NCKAP5: variants seen among roughly 807,000 people sequenced by gnomAD.
NCKAP5 encodes NCK associated protein 5, also known as nck-associated protein 5.
Under a neutral mutation model 167.0 loss-of-function variants are expected in NCKAP5, and 92 were observed. That is an observed-to-expected ratio of 0.55 (90% CI 0.47 to 0.66). NCKAP5 has a LOEUF of 0.66. NCKAP5 is among the 30% of genes least tolerant of loss of function. The pLI is 0.00. For missense variants in NCKAP5, 2,378 were observed against 2,315.0 expected (o/e 1.03, Z -0.56); for synonymous variants, 891 against 877.4 (o/e 1.02, Z -0.27).
intron 16 of NCKAP5, among the ~76,000 whole-genome samples, chr2:132,758,205 G>A (rs1421392426): frequency 1.3e-5 from 2 of 152,112 alleles, no homozygotes; most frequent in African/African-American, 4.8e-5. Flanking sequence ...TTTGTGTGGG[G>A]GCAAATGAAC....
intron 3 of NCKAP5, among the ~76,000 whole-genome samples, chr2:133,468,160 T>C (rs1393412044): frequency 7.2e-6 from 1 of 138,462 alleles, no homozygotes; most frequent in Non-Finnish European, 1.5e-5. Context: ...TGCTGTAAAT[T>C]TCCCTCTACA....
chr2:133,584,984 A>AGGAAGGAAGGAG, the NCKAP5 span, among the ~76,000 whole-genome samples: 3 of 150,094 alleles, frequency 2.0e-5, no homozygotes, highest in Non-Finnish European at 3.0e-5. Flanking sequence ...GAAGGAAGGA[A>AGGAAGGAAGGAG]GGAAGGAAGG....
At chr2:133,205,746 A>G (rs1559265182) in intron 5 of NCKAP5, among the ~76,000 whole-genome samples, 1 of 151,622 alleles carries the variant, frequency 6.6e-6, no homozygotes. Context: ...CTTCCCTTCC[A>G]TGAATATGCC....
At chr2:133,093,879 G>T (rs2081266307) in intron 6 of NCKAP5, among the ~76,000 whole-genome samples, 1 of 152,206 alleles carries the variant, frequency 6.6e-6, no homozygotes, top group Non-Finnish European at 1.5e-5. Context: ...GGATGGTTAT[G>T]CCTCACTGTA....
chr2:132,777,324 A>G (rs907538256), intron 15 of NCKAP5, among the ~76,000 whole-genome samples: 1 of 152,196 alleles, frequency 6.6e-6, no homozygotes, highest in Non-Finnish European at 1.5e-5. Context: ...CAAGAGACAC[A>G]GGGGGAAAAG....
intron 19 of NCKAP5, among the ~76,000 whole-genome samples, chr2:132,700,277 C>T (rs1022317032): frequency 6.7e-6 from 1 of 149,750 alleles, no homozygotes; most frequent in Non-Finnish European, 1.5e-5. Flanking sequence ...TGTAGGTTGC[C>T]TGTTCACTCT....
At chr2:133,320,683 A>G (rs762687495) in intron 3 of NCKAP5, among the ~76,000 whole-genome samples, 4 of 151,656 alleles carry the variant, frequency 2.6e-5, no homozygotes, top group Non-Finnish European at 5.9e-5. Context: ...AGCCGAGATC[A>G]CACCACTGCA....
chr2:133,018,356 A>C (rs55773367), intron 6 of NCKAP5, among the ~76,000 whole-genome samples: 14,411 of 152,268 alleles, frequency 0.095, 755 homozygotes, highest in Middle Eastern at 0.15. Flanking sequence ...CATACTGTCT[A>C]CTAAGGAGTT....
intron 9 of NCKAP5, among the ~76,000 whole-genome samples, chr2:132,878,423 T>G (rs1691461132): frequency 6.6e-6 from 1 of 152,158 alleles, no homozygotes; most frequent in African/African-American, 2.4e-5. Context: ...AGGATTTGCT[T>G]TTTCAGAAAT....
intron 6 of NCKAP5, among the ~76,000 whole-genome samples, chr2:133,040,028 T>C (rs768466704): frequency 3.0e-4 from 45 of 152,158 alleles, no homozygotes; most frequent in Non-Finnish European, 5.9e-4. Flanking sequence ...ACTGATTTTA[T>C]ATCCTGTATC....
intron 16 of NCKAP5, among the ~76,000 whole-genome samples, chr2:132,768,258 C>T (rs1299835662): frequency 6.6e-6 from 1 of 152,124 alleles, no homozygotes. Context: ...CCCCAAATTC[C>T]TCGAAGGACA....
chr2:132,990,932 G>A (rs1280453241), intron 7 of NCKAP5, among the ~76,000 whole-genome samples: 1 of 152,204 alleles, frequency 6.6e-6, no homozygotes, highest in Non-Finnish European at 1.5e-5. Flanking sequence ...TTGAATGAAT[G>A]AATGAGCAAA....
chr2:132,810,377 T>C (rs993403081), intron 11 of NCKAP5, among the ~76,000 whole-genome samples: 1 of 152,240 alleles, frequency 6.6e-6, no homozygotes, highest in African/African-American at 2.4e-5. Context: ...TTCCAAGCTT[T>C]TAGAATTCTC....
chr2:133,560,590 T>C (rs932049788), intron 1 of NCKAP5, among the ~76,000 whole-genome samples: 1 of 151,690 alleles, frequency 6.6e-6, no homozygotes, highest in Admixed American at 6.6e-5. Flanking sequence ...GAGATTTGGG[T>C]GAATAAGAGG....
intron 3 of NCKAP5, among the ~76,000 whole-genome samples, chr2:133,381,841 A>G (rs1686546015): frequency 6.6e-6 from 1 of 152,176 alleles, no homozygotes; most frequent in South Asian, 2.1e-4. Flanking sequence ...GGATAAACCA[A>G]ACTCATGTAG....
chr2:133,095,314 A>T (rs1288054356), intron 6 of NCKAP5, among the ~76,000 whole-genome samples: 1 of 152,216 alleles, frequency 6.6e-6, no homozygotes, highest in Admixed American at 6.5e-5. Flanking sequence ...ATTTTCAAGG[A>T]TGGCTGCCAA....
At chr2:133,139,198 T>C (rs947376385) in intron 5 of NCKAP5, among the ~76,000 whole-genome samples, 1 of 152,226 alleles carries the variant, frequency 6.6e-6, no homozygotes, top group African/African-American at 2.4e-5. Context: ...TGGAAGATTC[T>C]AAATTAACAC....
chr2:132,843,568 C>T (rs1574397663), intron 11 of NCKAP5, among the ~76,000 whole-genome samples: 1 of 151,222 alleles, frequency 6.6e-6, no homozygotes, highest in East Asian at 1.9e-4. Flanking sequence ...TCATTTTTCC[C>T]TTTTTTGTCA....
chr2:132,932,514 A>G (rs1215019024), intron 8 of NCKAP5, among the ~76,000 whole-genome samples: 2 of 152,194 alleles, frequency 1.3e-5, no homozygotes, highest in Non-Finnish European at 2.9e-5. Context: ...AAGTCCAAAC[A>G]AGGTCTTTAA....
Sources: allele counts gnomAD v4.1 joint callset (sites outside exome capture counted in the v4.1 genomes callset), GRCh38; gene constraint gnomAD v4.1.1; transcripts MANE v1.5; gene names NCBI Gene and HGNC (gene_info 2026-07-23, HGNC 2026-07-21).